Variants in MYOM2 observed in about 807,000 individuals in gnomAD.
MYOM2 encodes the protein myomesin 2.
Under a neutral mutation model 187.6 loss-of-function variants are expected in MYOM2, and 254 were observed. That is an observed-to-expected ratio of 1.35 (90% CI 1.22 to 1.50). The LOEUF (loss-of-function observed/expected upper bound fraction) is 1.50, where lower values mean the gene tolerates loss of function less well. MYOM2 is among the 40% of genes most tolerant of loss of function. The pLI is 0.00. For missense variants in MYOM2, 2,796 were observed against 1,924.0 expected, an observed-to-expected ratio of 1.45 and a Z score of -8.48; for synonymous variants, 981 against 753.8, an observed-to-expected ratio of 1.30 and a Z score of -4.94.
chr8:2,104,855 C>T (rs1320911446), intron 21 of MYOM2, among the ~76,000 whole-genome samples: 87 of 152,230 alleles, frequency 5.7e-4, no homozygotes, highest in Non-Finnish European at 1.0e-4. Flanking sequence ...AACCAGCAGC[C>T]GTGGTTATTA....
chr8:2,072,516 A>T lies in MYOM2; in HGVS notation c.958+7A>T, dbSNP rs747797423. ...GCCGAGTGGTACCGCGATGGTGAGT[A>T]GGACACGGCCCAGACCCGGGCACAC... On this transcript the variant is annotated splice_region_variant and intron_variant, in intron 9 of 36. Transcript: ENST00000262113. 15 of 1,611,462 alleles carry T rather than the reference A, an allele frequency of 9.3e-6. No homozygotes were observed. In the Admixed American group the frequency reaches 2.0e-4, roughly 21 times the overall value.
At chr8:2,073,998 G>T (rs1238209689) in intron 10 of MYOM2, among the ~76,000 whole-genome samples, 2 of 152,166 alleles carry the variant, frequency 1.3e-5, no homozygotes, top group East Asian at 3.9e-4. Flanking sequence ...TCGTGCTTAA[G>T]ACACTTGTGG....
chr8:2,080,649 C>A (rs530263264), intron 13 of MYOM2, among the ~76,000 whole-genome samples: 3 of 151,590 alleles, frequency 2.0e-5, no homozygotes, highest in Non-Finnish European at 4.4e-5. Context: ...GGGCATCTGG[C>A]TTTTTGAGTC....
chr8:2,057,574 A>G, intron 4 of MYOM2, 49 bp from the exon 5 acceptor site: 3 of 1,613,006 alleles, frequency 1.9e-6, no homozygotes, highest in Non-Finnish European at 2.5e-6. Context: ...CCGAGGGTGG[A>G]GCTTGGCTCG....
intron 31 of MYOM2, among the ~76,000 whole-genome samples, chr8:2,125,850 C>T (rs768224641): frequency 6.0e-5 from 9 of 150,554 alleles, no homozygotes; most frequent in Non-Finnish European, 8.9e-5. Flanking sequence ...CATTGTGATC[C>T]GCCCGCCCGC....
intron 9 of MYOM2, among the ~76,000 whole-genome samples, 175 bp from the exon 10 acceptor site, chr8:2,073,164 G>C (rs547834228): frequency 4.1e-4 from 63 of 152,346 alleles, no homozygotes; most frequent in African/African-American, 1.5e-3. Context: ...CTCAGTTCAC[G>C]CGTGTGCTTC....
intron 36 of MYOM2, 50 bp from the exon 37 acceptor site, chr8:2,144,614 A>G: frequency 6.3e-7 from 1 of 1,589,566 alleles, no homozygotes; most frequent in Non-Finnish European, 8.6e-7. Context: ...GGGTGACATG[A>G]CTTTCCTTTT....
intron 13 of MYOM2, among the ~76,000 whole-genome samples, chr8:2,081,438 C>T (rs1819624521): frequency 6.6e-6 from 1 of 151,812 alleles, no homozygotes; most frequent in Admixed American, 6.6e-5. Flanking sequence ...GGTTCTGCCA[C>T]GTGGGAAGAA....
At chr8:2,071,461 C>G (rs2129334087) in intron 8 of MYOM2, among the ~76,000 whole-genome samples, 1 of 152,282 alleles carries the variant, frequency 6.6e-6, no homozygotes, top group South Asian at 2.1e-4. Context: ...GATCTAGTTA[C>G]TTCATTTGGG....
In MYOM2 at chr8:2,101,023, A is replaced by G. The variant is rs948286238; in HGVS notation, c.2588A>G (p.Asn863Ser). The G allele has an allele frequency of 1.2e-6, 2 of 1,614,130 alleles. No homozygotes were observed. The highest frequency in any genetic ancestry group is 1.3e-5 in the African/African-American group (1 of 75,030). The change falls in exon 20 of 37, where the codon AAT (asparagine) becomes AGT (serine). Residue 863 changes from asparagine to serine, a missense_variant. Coordinates refer to ENST00000262113, the MANE Select transcript of MYOM2 (RefSeq NM_003970.4). ...GATGCTGGAGAGTGGATCACTGTCAATCAGACGACAACAGCCAGCCGTTAT... is the reference window on the plus strand; with the variant it reads ...GATGCTGGAGAGTGGATCACTGTCAGTCAGACGACAACAGCCAGCCGTTAT... ...EEDAGEWITV[N>S]QTTTASRYLK...
chr8:2,069,373 G>C lies in MYOM2; in HGVS notation c.742+7G>C. On this transcript the variant is annotated splice_region_variant and intron_variant, in intron 7 of 36. Coordinates refer to ENST00000262113, the MANE Select transcript of MYOM2 (RefSeq NM_003970.4). The stretch of plus-strand genomic sequence containing the variant: ...GCGGCGGTGGTGGTGAGAAGTGAGT[G>C]CCGGGTGGGCTTTCACGGGGCACCT... 1 of 1,613,982 alleles carries C rather than the reference G, an allele frequency of 6.2e-7. No individual in the cohort carries two copies. The highest frequency in any genetic ancestry group is 1.7e-5 in the Admixed American group (1 of 60,028).
At chr8:2,117,614 C>G (rs947003713) in intron 27 of MYOM2, among the ~76,000 whole-genome samples, 5 of 152,264 alleles carry the variant, frequency 3.3e-5, no homozygotes, top group South Asian at 4.1e-4. Flanking sequence ...AAGGAGCCAT[C>G]AGACGTACGC....
chr8:2,052,429 G>C, intron 3 of MYOM2, 116 bp downstream of exon 3: 1 of 1,145,290 alleles, frequency 8.7e-7, no homozygotes, highest in Non-Finnish European at 1.2e-6. Flanking sequence ...AGGAACACAG[G>C]CCATGCCTGG....
At chr8:2,046,166 C>G (rs7009657) in intron 1 of MYOM2, among the ~76,000 whole-genome samples, 105,300 of 152,134 alleles carry the variant, frequency 0.69, 37,835 homozygotes, top group East Asian at 0.93. Context: ...TTTAACTGTA[C>G]AAACAATTTC....
intron 11 of MYOM2, among the ~76,000 whole-genome samples, chr8:2,077,435 A>G (rs760945678): frequency 2.6e-4 from 40 of 152,250 alleles, no homozygotes; most frequent in Admixed American, 8.5e-4. Context: ...ATCTTAGGAA[A>G]AAATGAGGGA....
At position 2,102,656 on chromosome 8, in the gene MYOM2, G is replaced by A. The variant is rs527692933; in HGVS notation, c.2620-11G>A. 7.3e-5 allele frequency: 116 copies of A among 1,586,438 alleles called. No individual in the cohort carries two copies. The highest frequency in any genetic ancestry group is 9.9e-5 in the Non-Finnish European group (114 of 1,156,952). ...CCTCCACACATCTGGTGTTTCCTCTGTTGTTTCAAGGTCTCTGACCTGCAG... is the reference window on the plus strand; with the variant it reads ...CCTCCACACATCTGGTGTTTCCTCTATTGTTTCAAGGTCTCTGACCTGCAG... On this transcript the variant is annotated splice_polypyrimidine_tract_variant and intron_variant, in intron 20 of 36. Transcript: ENST00000262113.
At chr8:2,114,623 C>G (rs1797176307) in intron 25 of MYOM2, among the ~76,000 whole-genome samples, 1 of 152,116 alleles carries the variant, frequency 6.6e-6, no homozygotes, top group African/African-American at 2.4e-5. Flanking sequence ...GCGTGCGCCA[C>G]CACACCTGGC....
chr8:2,057,446 A>G lies in MYOM2; in HGVS notation c.362A>G (p.Gln121Arg). 1.2e-6 allele frequency: 2 copies of G among 1,614,014 alleles called. No individual in the cohort carries two copies. Among genetic ancestry groups the G allele is most frequent in the Non-Finnish European group, 1.7e-6 (2 of 1,179,998 alleles). ...GAGGATGTCCACCTGGCACGCTCCC[A>G]GGCCCGCGACAAGCTGGACAAATAC... ...LEEDVHLARS[Q>R]ARDKLDKYAI... Residue 121 changes from glutamine to arginine, a missense_variant, in exon 4 of 37, where the codon CAG becomes CGG. Coordinates refer to ENST00000262113, the MANE Select transcript of MYOM2 (RefSeq NM_003970.4).
rs2116920076 is a variant in MYOM2 at position 2,140,712 on chromosome 8, C to G, written c.3801-11C>G. On this transcript the variant is annotated splice_polypyrimidine_tract_variant and intron_variant, in intron 32 of 36. Coordinates refer to ENST00000262113, the MANE Select transcript of MYOM2 (RefSeq NM_003970.4). ...CCCTAACTCAGATACGTTCCTGTTG[C>G]TCTTTTCAAGAGATGCTAAGATCTC... is the stretch of plus-strand genomic sequence containing the variant. The G allele has an allele frequency of 1.2e-6, 2 of 1,612,860 alleles. No homozygotes were observed. The highest frequency in any genetic ancestry group is 1.7e-6 in the Non-Finnish European group (2 of 1,179,278).
Sources: gnomAD v4.1 joint callset for allele counts (sites outside exome capture counted in the v4.1 genomes callset) on GRCh38, gnomAD v4.1.1 for gene constraint, MANE v1.5 for transcripts, NCBI Gene and HGNC (gene_info 2026-07-23, HGNC 2026-07-21) for gene names.